The following GLIS1 variants were observed in gnomAD, a reference collection of about 807,000 sequenced individuals.
GLIS1 encodes the protein GLIS family zinc finger 1.
In GLIS1, 24 loss-of-function variants were observed where a neutral mutation model predicts 63.8. The ratio of observed to expected loss-of-function variants is 0.38; its 90% CI spans 0.27 to 0.53. The LOEUF (loss-of-function observed/expected upper bound fraction) is 0.53, where lower values mean the gene tolerates loss of function less well. Ranked by LOEUF, GLIS1 falls within the 20% of genes least tolerant of loss-of-function variation. The pLI is 0.85. For synonymous variants in GLIS1, 450 were observed against 482.5 expected, an observed-to-expected ratio of 0.93 and a Z score of 0.88; for missense variants, 1,036 against 1,074.1, an observed-to-expected ratio of 0.96 and a Z score of 0.50.
chr1:53,706,363 G>A (rs780985631), intron 2 of GLIS1, among the ~76,000 whole-genome samples: 2 of 152,200 alleles, frequency 1.3e-5, no homozygotes, highest in Non-Finnish European at 2.9e-5. Context: ...GCACACAGTA[G>A]GTGCTCAAAA....
intron 2 of GLIS1, among the ~76,000 whole-genome samples, chr1:53,671,515 T>C (rs560703553): frequency 6.6e-6 from 1 of 152,314 alleles, no homozygotes; most frequent in Non-Finnish European, 1.5e-5. Context: ...TGGCCCCCAG[T>C]GCCTGAGGCC....
chr1:53,532,086 C>T lies in GLIS1; in HGVS notation c.1321-2134G>A, dbSNP rs1180540346. 2.6e-5 allele frequency among the ~76,000 whole-genome samples: 4 copies of T among 152,068 alleles called. No individual in the cohort carries two copies. In the East Asian group the frequency reaches 7.7e-4, roughly 29 times the overall value. ...TGCAGGGAGCTCAAAGGCCAGATAG[C>T]GGGGACTCAAATGCTGGGCCAGTGA... On this transcript the variant is annotated intron_variant, in intron 4 of 10. Transcript: ENST00000628545.
chr1:53,638,986 T>C (rs1303293185), intron 2 of GLIS1, among the ~76,000 whole-genome samples: 1 of 151,994 alleles, frequency 6.6e-6, no homozygotes, highest in Non-Finnish European at 1.5e-5. Context: ...AAGGAACAAT[T>C]TGGACCAGAT....
chr1:53,676,611 C>A (rs1001125976), intron 2 of GLIS1, among the ~76,000 whole-genome samples: 3 of 152,166 alleles, frequency 2.0e-5, no homozygotes, highest in Non-Finnish European at 4.4e-5. Context: ...CCCGCACGCA[C>A]CCCCAGCCCC....
intron 2 of GLIS1, among the ~76,000 whole-genome samples, chr1:53,621,281 G>T (rs992465441): frequency 4.6e-5 from 7 of 152,334 alleles, no homozygotes; most frequent in Admixed American, 3.9e-4. Context: ...CCCCAGCCCA[G>T]CCAGGAGCAG....
chr1:53,571,305 G>A (rs1268621192), intron 4 of GLIS1, among the ~76,000 whole-genome samples: 1 of 152,136 alleles, frequency 6.6e-6, no homozygotes, highest in East Asian at 1.9e-4. Context: ...AGTATAAGCG[G>A]AACAACCACT....
intron 4 of GLIS1, among the ~76,000 whole-genome samples, chr1:53,543,911 G>A (rs1354399267): frequency 6.6e-6 from 1 of 151,928 alleles, no homozygotes; most frequent in Non-Finnish European, 1.5e-5. Flanking sequence ...AGAGAGGACC[G>A]TGTCACTGAG....
intron 5 of GLIS1, 75 bp downstream of exon 5, chr1:53,529,716 G>A (rs561588572): frequency 1.4e-6 from 2 of 1,467,776 alleles, no homozygotes; most frequent in East Asian, 4.6e-5. Flanking sequence ...GGTAAGGCAG[G>A]GGCTCTGCAC....
rs11206204 is a variant in GLIS1, at chr1:53,710,408, A to G, written c.259+27398T>C. 0.02 allele frequency among the ~76,000 whole-genome samples: 2,992 copies of G among 152,372 alleles called. 141 individuals carry two copies. The East Asian group carries it at 0.23, about 11-fold the overall frequency. ...ATGCTTTATCTCATTCAGTCTTCAT[A>G]ACAAGCCTGCAAGGCAGGTGGTCTC... is the stretch of plus-strand genomic sequence containing the variant. On this transcript the variant is annotated intron_variant, in intron 2 of 10. Coordinates refer to ENST00000628545, the MANE Select transcript of GLIS1 (RefSeq NM_001367484.1).
intron 4 of GLIS1, among the ~76,000 whole-genome samples, chr1:53,535,452 T>G (rs1424551460): frequency 6.6e-6 from 1 of 152,040 alleles, no homozygotes; most frequent in Non-Finnish European, 1.5e-5. Context: ...CAAGCACATA[T>G]GGCCCTGAGT....
intron 10 of GLIS1, among the ~76,000 whole-genome samples, chr1:53,507,452 C>T (rs1398717143): frequency 6.6e-6 from 1 of 152,158 alleles, no homozygotes; most frequent in Non-Finnish European, 1.5e-5. Context: ...CAGGGTGGGG[C>T]CACCGCTCAG....
chr1:53,727,466 G>A (rs369285123), intron 2 of GLIS1, among the ~76,000 whole-genome samples: 7 of 152,304 alleles, frequency 4.6e-5, no homozygotes, highest in African/African-American at 1.4e-4. Flanking sequence ...GAGAAATCTG[G>A]GTGAGACGTG....
intron 2 of GLIS1, among the ~76,000 whole-genome samples, chr1:53,645,920 C>A (rs1183994885): frequency 6.6e-6 from 1 of 152,180 alleles, no homozygotes; most frequent in Non-Finnish European, 1.5e-5. Context: ...ATTGACCTGC[C>A]ATGCCATGCC....
In GLIS1 at chr1:53,600,036, G is replaced by C. The variant is rs918772325; in HGVS notation, c.437+65C>G. 2.6e-5 allele frequency: 24 copies of C among 925,786 alleles called. No individual in the cohort carries two copies. The African/African-American group carries it at 3.7e-4, about 14-fold the overall frequency. The allele number at this position is 925,786 out of a possible 1,614,324, so 57.3% of individuals were successfully genotyped here. On this transcript the variant is annotated intron_variant, in intron 3 of 10. Transcript: ENST00000628545. ...CCCCCCAGCTAAAAAGAGGAGGTGA[G>C]GCCTGAGGCCCATGGTCCTGGGGCC...
chr1:53,725,234 G>A (rs969295221), intron 2 of GLIS1, among the ~76,000 whole-genome samples: 7 of 152,170 alleles, frequency 4.6e-5, no homozygotes, highest in African/African-American at 1.7e-4. Context: ...GAAAAGGGCT[G>A]CCCAAAGCAG....
At chr1:53,730,620 A>G (rs1478903930) in intron 2 of GLIS1, among the ~76,000 whole-genome samples, 1 of 152,212 alleles carries the variant, frequency 6.6e-6, no homozygotes, top group Non-Finnish European at 1.5e-5. Context: ...GCTGTACGGC[A>G]GGCAGGGCCA....
intron 2 of GLIS1, among the ~76,000 whole-genome samples, chr1:53,630,798 G>A (rs11206183): frequency 0.031 from 4,707 of 152,330 alleles, 198 homozygotes; most frequent in African/African-American, 0.089. Flanking sequence ...TGCCCAGCCA[G>A]AGGGAGCCAA....
chr1:53,587,737 T>C (rs1221923684), intron 4 of GLIS1, among the ~76,000 whole-genome samples: 1 of 152,230 alleles, frequency 6.6e-6, no homozygotes. Context: ...CCCACTCGAC[T>C]GAGGGCTCCT....
intron 4 of GLIS1, among the ~76,000 whole-genome samples, chr1:53,591,320 CA>C (rs1388394440): frequency 6.6e-6 from 1 of 152,150 alleles, no homozygotes; most frequent in Non-Finnish European, 1.5e-5. Context: ...AAGAGGAGGC[CA>C]GGGGAGGCTC....
Sources: gnomAD v4.1 joint callset for allele counts (sites outside exome capture counted in the v4.1 genomes callset) on GRCh38, gnomAD v4.1.1 for gene constraint, MANE v1.5 for transcripts, NCBI Gene and HGNC (gene_info 2026-07-23, HGNC 2026-07-21) for gene names.